Variants in SLC35F1 observed in about 807,000 individuals in gnomAD.
The protein encoded by SLC35F1 is solute carrier family 35 member F1, also known as chromosome 6 open reading frame 169.
A neutral mutation model predicts 48.7 loss-of-function variants in SLC35F1; 14 were observed. The ratio of observed to expected loss-of-function variants is 0.29; its 90% CI spans 0.19 to 0.45. The LOEUF (loss-of-function observed/expected upper bound fraction) is 0.45. SLC35F1 is among the 20% of genes least tolerant of loss of function. The pLI, the probability that SLC35F1 is intolerant of heterozygous loss-of-function variation, is 1.00. For missense variants in SLC35F1, 404 were observed against 500.0 expected (o/e 0.81, Z 1.83); for synonymous variants, 190 against 202.2 (o/e 0.94, Z 0.51).
At chr6:118,253,692 G>A (rs1775604621) in intron 3 of SLC35F1, among the ~76,000 whole-genome samples, 1 of 151,954 alleles carries the variant, frequency 6.6e-6, no homozygotes, top group African/African-American at 2.4e-5. Context: ...AATCAAGAGA[G>A]GGAAAATTCA....
At chr6:118,166,780 A>T (rs758687812) in intron 2 of SLC35F1, among the ~76,000 whole-genome samples, 2 of 152,176 alleles carry the variant, frequency 1.3e-5, no homozygotes, top group Non-Finnish European at 2.9e-5. Flanking sequence ...TAATCTAGAC[A>T]CCCAAAAGGA....
At chr6:118,114,648 T>C (rs909419080) in intron 1 of SLC35F1, among the ~76,000 whole-genome samples, 6 of 152,168 alleles carry the variant, frequency 3.9e-5, no homozygotes, top group Non-Finnish European at 5.9e-5. Context: ...AGTGCTGGGA[T>C]TACAGGCGTG....
intron 1 of SLC35F1, among the ~76,000 whole-genome samples, chr6:117,981,572 C>T (rs1458458984): frequency 6.6e-6 from 1 of 151,950 alleles, no homozygotes; most frequent in Non-Finnish European, 1.5e-5. Flanking sequence ...TATTGAAATG[C>T]CTCTGTATGG....
intron 2 of SLC35F1, among the ~76,000 whole-genome samples, chr6:118,183,940 C>T (rs995926686): frequency 2.0e-5 from 3 of 152,128 alleles, no homozygotes; most frequent in Non-Finnish European, 4.4e-5. Context: ...TCATTCGTTT[C>T]CCTAGTCTTT....
intron 1 of SLC35F1, among the ~76,000 whole-genome samples, chr6:118,135,405 AAC>A: frequency 1.3e-5 from 2 of 152,366 alleles, no homozygotes; most frequent in Admixed American, 1.3e-4. Flanking sequence ...CTACAACAGA[AAC>A]ACAGTTTATG....
intron 1 of SLC35F1, among the ~76,000 whole-genome samples, chr6:117,925,627 G>C (rs1231225823): frequency 6.6e-6 from 1 of 152,056 alleles, no homozygotes; most frequent in Non-Finnish European, 1.5e-5. Flanking sequence ...CTTTTACTCT[G>C]GCCTGAGACT....
chr6:118,019,263 G>A (rs974187524), intron 1 of SLC35F1, among the ~76,000 whole-genome samples: 2 of 151,700 alleles, frequency 1.3e-5, no homozygotes, highest in African/African-American at 2.4e-5. Flanking sequence ...ATTTTATATA[G>A]TAGATAAATA....
chr6:118,255,183 T>C (rs142554924), intron 3 of SLC35F1, among the ~76,000 whole-genome samples: 14 of 152,286 alleles, frequency 9.2e-5, no homozygotes, highest in African/African-American at 3.4e-4. Context: ...GTAAGGAGAA[T>C]AGCAGGCCTG....
chr6:117,985,162 T>C (rs1427713255), intron 1 of SLC35F1, among the ~76,000 whole-genome samples: 1 of 152,228 alleles, frequency 6.6e-6, no homozygotes, highest in Admixed American at 6.5e-5. Context: ...ATGTGTTTCT[T>C]TCCCCATTCC....
At chr6:118,206,439 C>T (rs1206484120) in intron 2 of SLC35F1, among the ~76,000 whole-genome samples, 1 of 152,194 alleles carries the variant, frequency 6.6e-6, no homozygotes, top group Non-Finnish European at 1.5e-5. Context: ...AGGGCATAAT[C>T]TCAGCACTGT....
intron 1 of SLC35F1, among the ~76,000 whole-genome samples, chr6:118,101,427 G>A (rs1013106829): frequency 3.9e-5 from 6 of 152,206 alleles, no homozygotes; most frequent in African/African-American, 1.4e-4. Flanking sequence ...AAATTACAGT[G>A]CTTGTGAATT....
At chr6:117,949,580 G>T (rs898279899) in intron 1 of SLC35F1, among the ~76,000 whole-genome samples, 9 of 151,906 alleles carry the variant, frequency 5.9e-5, no homozygotes, top group African/African-American at 2.2e-4. Flanking sequence ...CCACGGCTCA[G>T]AAAAAAAGCC....
intron 1 of SLC35F1, among the ~76,000 whole-genome samples, chr6:117,936,309 T>A (rs773013236): frequency 6.6e-6 from 1 of 151,464 alleles, no homozygotes; most frequent in Non-Finnish European, 1.5e-5. Flanking sequence ...CAGGGGTGGA[T>A]GCTTCTGCTA....
chr6:117,922,095 T>C (rs1009997748), intron 1 of SLC35F1, among the ~76,000 whole-genome samples: 3 of 152,224 alleles, frequency 2.0e-5, no homozygotes, highest in Non-Finnish European at 4.4e-5. Flanking sequence ...GGCCGGAGTC[T>C]ACAAAGTACT....
At chr6:117,924,523 T>TACGTATATACATATGTATATCC (rs1776003171) in intron 1 of SLC35F1, among the ~76,000 whole-genome samples, 1 of 143,934 alleles carries the variant, frequency 6.9e-6, no homozygotes, top group Admixed American at 7.1e-5. Flanking sequence ...CATATATATA[T>TACGTATATACATATGTATATCC]GTCAAGTTCC....
At chr6:117,996,817 AT>A (rs1390864745) in intron 1 of SLC35F1, among the ~76,000 whole-genome samples, 1 of 152,182 alleles carries the variant, frequency 6.6e-6, no homozygotes, top group Non-Finnish European at 1.5e-5. Flanking sequence ...AACCACAAAG[AT>A]GGGGAAAAAA....
chr6:118,020,801 G>T (rs1480452983), intron 1 of SLC35F1, among the ~76,000 whole-genome samples: 5 of 152,168 alleles, frequency 3.3e-5, no homozygotes, highest in Non-Finnish European at 7.4e-5. Context: ...GGATTAGAGA[G>T]AGTAAAATAT....
chr6:118,075,572 T>TA (rs1180415844), intron 1 of SLC35F1, among the ~76,000 whole-genome samples: 3 of 152,240 alleles, frequency 2.0e-5, no homozygotes, highest in African/African-American at 7.2e-5. Context: ...ATATAGTACT[T>TA]ACAGCCCCAT....
intron 2 of SLC35F1, among the ~76,000 whole-genome samples, chr6:118,231,997 G>A (rs1381586445): frequency 2.6e-5 from 4 of 152,290 alleles, no homozygotes; most frequent in East Asian, 3.9e-4. Flanking sequence ...AACAATTCTC[G>A]TAGGCTGAAA....
Sources: gnomAD v4.1 joint callset for allele counts (sites outside exome capture counted in the v4.1 genomes callset) on GRCh38, gnomAD v4.1.1 for gene constraint, MANE v1.5 for transcripts, NCBI Gene and HGNC (gene_info 2026-07-23, HGNC 2026-07-21) for gene names.